SLC9A6: variants seen among roughly 807,000 people sequenced by gnomAD.
SLC9A6 encodes the protein solute carrier family 9 member A6.
Under a neutral mutation model 45.3 loss-of-function variants are expected in SLC9A6, and 6 were observed. That is an observed-to-expected ratio of 0.13 (90% CI 0.07 to 0.26). The LOEUF (loss-of-function observed/expected upper bound fraction) is 0.26, where lower values mean the gene tolerates loss of function less well. SLC9A6 is among the 10% of genes least tolerant of loss of function. The probability of loss-of-function intolerance (pLI) is 1.00; values close to 1 mark genes in which losing one functional copy is unlikely to be tolerated. For synonymous variants in SLC9A6, 191 were observed against 187.7 expected (o/e 1.02, Z -0.14); for missense variants, 278 against 503.7 (o/e 0.55, Z 4.29).
At chrX:135,979,828 C>T (rs1162868066) in intron 1 of SLC9A6, among the ~76,000 whole-genome samples, 3 of 111,946 alleles carry the variant, frequency 2.7e-5, no homozygotes, top group South Asian at 3.7e-4. Flanking sequence ...TGCAGTGGCA[C>T]GATCTCAGCT....
intron 8 of SLC9A6, among the ~76,000 whole-genome samples, chrX:136,011,345 T>A (rs2070917292): frequency 8.9e-6 from 1 of 111,824 alleles, no homozygotes; most frequent in Non-Finnish European, 1.9e-5. Context: ...GTTCAAGCGA[T>A]TCCCCCGCCT....
chrX:135,983,706 T>A (rs1385192328), upstream of SLC9A6: 4 of 106,992 alleles, frequency 3.7e-5, no homozygotes, highest in African/African-American at 1.4e-4. Flanking sequence ...TTCGGGTTTT[T>A]TTTTTTTTTT....
chrX:136,006,538 T>G (rs1381734318), intron 7 of SLC9A6, among the ~76,000 whole-genome samples: 1 of 107,736 alleles, frequency 9.3e-6, no homozygotes, highest in East Asian at 2.9e-4. Flanking sequence ...AAAATAATGC[T>G]TTTAATCCAG....
intron 15 of SLC9A6, among the ~76,000 whole-genome samples, chrX:136,032,497 A>G (rs1039498731): frequency 7.1e-5 from 8 of 112,477 alleles, no homozygotes; most frequent in Non-Finnish European, 1.3e-4. Context: ...CAGAGAGAGA[A>G]AGGGACTTGC....
At chrX:135,979,047 C>T (rs1239979153) in intron 1 of SLC9A6, among the ~76,000 whole-genome samples, 1 of 110,774 alleles carries the variant, frequency 9.0e-6, no homozygotes, top group Non-Finnish European at 1.9e-5. Context: ...TAGTTTTAGT[C>T]GGTCAGGGAG....
Position 135,988,469 on chromosome X carries a change from TTTCTTTTC to T in SLC9A6, c.169+2645_169+2652del, listed in dbSNP as rs1336182094. On this transcript the variant is annotated intron_variant, in intron 2 of 17. Coordinates refer to ENST00000630721, the MANE Select transcript of SLC9A6 (RefSeq NM_001379110.1). ...TCTTTCTCTCTCTTTTCTTTCTTTC[TTTCTTTTC>T]TTTCTTTCTTTCTTTCTTTCTTTTC... 1.3e-4 allele frequency among the ~76,000 whole-genome samples: 14 copies of T among 106,382 alleles called. No homozygotes were observed. The Admixed American group carries it at 1.3e-3, about 10-fold the overall frequency. 92.4% of individuals were successfully genotyped at this position (106,382 alleles called of 115,157 possible).
intron 2 of SLC9A6, among the ~76,000 whole-genome samples, chrX:135,986,086 C>G (rs532523754): frequency 9.1e-6 from 1 of 110,319 alleles, no homozygotes. Flanking sequence ...ACCCCCAGCC[C>G]CCCACCCTTT....
chrX:135,999,240 CTTCAGAAA>C (rs2089548387), intron 6 of SLC9A6, among the ~76,000 whole-genome samples: 1 of 108,320 alleles, frequency 9.2e-6, no homozygotes, highest in South Asian at 3.9e-4. Context: ...AAGGTACTTT[CTTCAGAAA>C]TTCATGTTGG....
rs1310839824 is a variant in SLC9A6, at chrX:136,013,264, C to CTA, written c.992-82_992-81dup. ...ACAAATGAGAATTTCCAGACAAAGC[C>CTA]TATAATCTACTGTGAAGAAAGAACC... On this transcript the variant is annotated intron_variant, in intron 9 of 17. Coordinates refer to ENST00000630721, the MANE Select transcript of SLC9A6 (RefSeq NM_001379110.1). 4 of 811,352 alleles carry CTA rather than the reference C, an allele frequency of 4.9e-6. No individual in the cohort carries two copies. The East Asian group carries it at 9.4e-5, about 19-fold the overall frequency. The allele number at this position is 811,352 out of a possible 1,213,427, so 66.9% of individuals were successfully genotyped here.
At chrX:136,012,007 A>G (rs1368759108) in intron 8 of SLC9A6, among the ~76,000 whole-genome samples, 3 of 112,263 alleles carry the variant, frequency 2.7e-5, no homozygotes, top group South Asian at 3.7e-4. Context: ...GGAGAATGGC[A>G]TGAACCCAGG....
chrX:136,043,286 T>C (rs1230355489), intron 17 of SLC9A6, among the ~76,000 whole-genome samples: 1 of 112,198 alleles, frequency 8.9e-6, no homozygotes, highest in African/African-American at 3.2e-5. Flanking sequence ...CTCAAACTTC[T>C]GGGCTCAAGC....
intron 14 of SLC9A6, 23 bp downstream of exon 14, chrX:136,028,998 G>A (rs1216426158): frequency 1.0e-5 from 3 of 293,223 alleles, no homozygotes; most frequent in African/African-American, 8.3e-5. Flanking sequence ...ACTCTACTGT[G>A]CTAAGTATCA....
chrX:136,001,448 T>C (rs1268935389), intron 6 of SLC9A6, among the ~76,000 whole-genome samples: 1 of 111,163 alleles, frequency 9.0e-6, no homozygotes, highest in Non-Finnish European at 1.9e-5. Context: ...ATTAAAGTTA[T>C]AATATAACTT....
chrX:136,012,111 A>G (rs139284760), intron 8 of SLC9A6, among the ~76,000 whole-genome samples: 22 of 112,752 alleles, frequency 2.0e-4, no homozygotes, highest in Non-Finnish European at 3.4e-4. Context: ...ACAAAACAAA[A>G]AAGTTTCCAG....
intron 7 of SLC9A6, among the ~76,000 whole-genome samples, chrX:136,006,366 A>G (rs782748647): frequency 9.2e-6 from 1 of 108,575 alleles, no homozygotes; most frequent in Non-Finnish European, 1.9e-5. Flanking sequence ...GGTTTGTTAC[A>G]TAGGTAAATA....
At chrX:135,993,445 A>T (rs187257765) in intron 2 of SLC9A6, among the ~76,000 whole-genome samples, 251 of 112,215 alleles carry the variant, frequency 2.2e-3, no homozygotes, top group African/African-American at 7.0e-3. Context: ...TTGGTGTTTG[A>T]ATTAGATATC....
chrX:136,022,151 T>C (rs1603213381), intron 11 of SLC9A6, among the ~76,000 whole-genome samples: 1 of 111,517 alleles, frequency 9.0e-6, no homozygotes, highest in African/African-American at 3.3e-5. Flanking sequence ...ATTACTCTTC[T>C]TCCTACCAAC....
Position 136,026,430 on chromosome X carries a change from C to T in SLC9A6, c.1460+1947C>T, listed in dbSNP as rs191866395. Among the ~76,000 whole-genome samples, 316 of 112,114 alleles carry T rather than the reference C, an allele frequency of 2.8e-3. 1 individual carries two copies. The highest frequency in any genetic ancestry group is 4.0e-3 in the Non-Finnish European group (213 of 53,238). On this transcript the variant is annotated intron_variant, in intron 13 of 17. Transcript: ENST00000630721. The stretch of plus-strand genomic sequence containing the variant: ...TTGTAAGGATTCAGTGAGCTAATAT[C>T]TGTAAAGTTCTTAGCACAGCATTTC...
At chrX:136,015,540 A>C (rs1251172884) in intron 10 of SLC9A6, among the ~76,000 whole-genome samples, 5 of 111,412 alleles carry the variant, frequency 4.5e-5, no homozygotes, top group African/African-American at 1.6e-4. Flanking sequence ...GATAATAATA[A>C]TACCTACCTC....
Sources: gnomAD v4.1 joint callset for allele counts (sites outside exome capture counted in the v4.1 genomes callset) on GRCh38, gnomAD v4.1.1 for gene constraint, MANE v1.5 for transcripts, NCBI Gene and HGNC (gene_info 2026-07-23, HGNC 2026-07-21) for gene names.